The following NOP58 variants were observed in gnomAD, a reference collection of about 807,000 sequenced individuals.
NOP58 encodes NOP58 ribonucleoprotein, also known as nucleolar protein 58.
NOP58 carries 44 observed loss-of-function variants against 71.2 expected under a neutral mutation model. The observed-to-expected ratio is 0.62, with a 90% CI of 0.49 to 0.79. NOP58 has a LOEUF of 0.79. Ranked by LOEUF, NOP58 falls within the 30% of genes least tolerant of loss-of-function variation. The pLI is 0.00. For synonymous variants in NOP58, 228 were observed against 200.3 expected, an observed-to-expected ratio of 1.14 and a Z score of -1.17; for missense variants, 538 against 620.2, an observed-to-expected ratio of 0.87 and a Z score of 1.41.
intron 13 of NOP58, among the ~76,000 whole-genome samples, chr2:202,302,575 A>G (rs543852746): frequency 1.3e-5 from 2 of 152,244 alleles, no homozygotes; most frequent in Non-Finnish European, 2.9e-5. Flanking sequence ...GGGTTGCAGC[A>G]GGTAGATTAA....
intron 1 of NOP58, among the ~76,000 whole-genome samples, chr2:202,270,952 G>C (rs995704629): frequency 1.3e-4 from 20 of 151,826 alleles, no homozygotes; most frequent in African/African-American, 4.6e-4. Flanking sequence ...GCCGGGCATG[G>C]TGGTGTGTGT....
At chr2:202,281,382 C>T (rs966050405) in intron 3 of NOP58, among the ~76,000 whole-genome samples, 5 of 152,086 alleles carry the variant, frequency 3.3e-5, no homozygotes, top group Admixed American at 1.3e-4. Context: ...GCCTCAGCCT[C>T]CCAAAGTGCT....
chr2:202,291,806 C>CAAAAAAAAAAAAAAAAAAAAAAAAAAA (rs1161178890), intron 8 of NOP58, among the ~76,000 whole-genome samples: 1 of 41,900 alleles, frequency 2.4e-5, no homozygotes. Context: ...AACTCCATCT[C>CAAAAAAAAAAAAAAAAAAAAAAAAAAA]AAAAAAAAAA....
chr2:202,290,831 G>A (rs1574385329), intron 7 of NOP58, among the ~76,000 whole-genome samples: 1 of 152,184 alleles, frequency 6.6e-6, no homozygotes, highest in South Asian at 2.1e-4. Context: ...ATTATTATTA[G>A]TCCTGTCTTT....
chr2:202,273,609 A>G (rs1688543311), intron 1 of NOP58, among the ~76,000 whole-genome samples: 1 of 152,214 alleles, frequency 6.6e-6, no homozygotes, highest in African/African-American at 2.4e-5. Flanking sequence ...AAACTGAAAT[A>G]TTAACAGGTA....
intron 2 of NOP58, chr2:202,276,482 A>G (rs762091959): frequency 1.9e-6 from 1 of 516,112 alleles, no homozygotes; most frequent in East Asian, 5.5e-5. Context: ...AAGTGATCTG[A>G]CTCAATATTC....
chr2:202,290,049 T>C (rs186545047), intron 6 of NOP58, among the ~76,000 whole-genome samples: 37 of 152,248 alleles, frequency 2.4e-4, no homozygotes, highest in African/African-American at 8.9e-4. Flanking sequence ...CCACCTCCTG[T>C]GTTCAAGTGA....
rs1688667750 is a variant in NOP58 at position 202,279,588 on chromosome 2, A to G, written c.175+1586A>G. Among the ~76,000 whole-genome samples the G allele has an allele frequency of 2.0e-5, 3 of 152,340 alleles. No homozygotes were observed. The South Asian group carries it at 6.2e-4, about 32-fold the overall frequency. On this transcript the variant is annotated intron_variant, in intron 3 of 14. Coordinates refer to ENST00000264279, the MANE Select transcript of NOP58 (RefSeq NM_015934.5). ...CAAGACAGGCGGATCACCTGAGGTC[A>G]GTTCAAGATCAGCCTGGCCAACATG...
intron 1 of NOP58, among the ~76,000 whole-genome samples, chr2:202,267,270 G>C (rs966424496): frequency 6.6e-6 from 1 of 152,120 alleles, no homozygotes; most frequent in Non-Finnish European, 1.5e-5. Context: ...TACAATTTTA[G>C]CTATGAACCA....
intron 1 of NOP58, among the ~76,000 whole-genome samples, chr2:202,273,729 T>C (rs888014624): frequency 7.9e-5 from 12 of 152,152 alleles, no homozygotes; most frequent in Non-Finnish European, 1.6e-4. Flanking sequence ...GATCACCTGA[T>C]GTCAGGAGTT....
At position 202,303,652 on chromosome 2, in the gene NOP58, T is replaced by C; in HGVS notation, c.*216T>C. The C allele has an allele frequency of 2.3e-6, 1 of 437,202 alleles. No individual in the cohort carries two copies. The highest frequency in any genetic ancestry group is 9.0e-5 in the South Asian group (1 of 11,058). The allele number at this position is 437,202 out of a possible 1,614,324, so 27.1% of individuals were successfully genotyped here. On this transcript the variant is annotated 3_prime_UTR_variant, in exon 15 of 15. Transcript: ENST00000264279. ...TTTGATATACAAATAAAATTTTCTT[T>C]GTATTTTAAGACAATTTTGTGATCT...
chr2:202,269,708 T>C (rs1688484484), intron 1 of NOP58, among the ~76,000 whole-genome samples: 1 of 151,946 alleles, frequency 6.6e-6, no homozygotes, highest in African/African-American at 2.4e-5. Flanking sequence ...GCCACTGCAG[T>C]GCAGCCTGGG....
intron 9 of NOP58, among the ~76,000 whole-genome samples, chr2:202,294,517 T>TC (rs1166833417): frequency 3.3e-5 from 5 of 151,710 alleles, no homozygotes; most frequent in African/African-American, 4.8e-5. Flanking sequence ...TATTCTAAGC[T>TC]CCCCCCTCCA....
chr2:202,302,660 T>G (rs1439964224), intron 13 of NOP58, among the ~76,000 whole-genome samples: 4 of 152,202 alleles, frequency 2.6e-5, no homozygotes, highest in Non-Finnish European at 4.4e-5. Flanking sequence ...CAATAATGAT[T>G]GGAGATCAGA....
At chr2:202,303,099 A>T (rs1269270384) in intron 14 of NOP58, 42 bp downstream of exon 14, 2 of 1,576,700 alleles carry the variant, frequency 1.3e-6, no homozygotes, top group Admixed American at 3.8e-5. Flanking sequence ...TGGAGGGGCC[A>T]GTTCTCTATA....
chr2:202,284,569 T>G, intron 5 of NOP58, 88 bp downstream of exon 5: 1 of 1,363,560 alleles, frequency 7.3e-7, no homozygotes, highest in South Asian at 1.3e-5. Flanking sequence ...CAAATGCTCA[T>G]TTGAACCACA....
chr2:202,282,527 A>G (rs1357829255), intron 4 of NOP58, 55 bp downstream of exon 4: 2 of 1,548,158 alleles, frequency 1.3e-6, no homozygotes, highest in African/African-American at 2.8e-5. Flanking sequence ...CAGCATACCA[A>G]CTACAAAGCC....
chr2:202,292,297 A>G (rs941489533), intron 8 of NOP58, among the ~76,000 whole-genome samples: 1 of 151,898 alleles, frequency 6.6e-6, no homozygotes, highest in African/African-American at 2.4e-5. Context: ...TGGGCTGCTT[A>G]GAATCTTTTA....
chr2:202,291,807 A>AG (rs1688904369), intron 8 of NOP58, among the ~76,000 whole-genome samples: 1 of 28,446 alleles, frequency 3.5e-5, no homozygotes, highest in African/African-American at 2.0e-4. Flanking sequence ...ACTCCATCTC[A>AG]AAAAAAAAAA....
Sources: gnomAD v4.1 joint callset for allele counts (sites outside exome capture counted in the v4.1 genomes callset) on GRCh38, gnomAD v4.1.1 for gene constraint, MANE v1.5 for transcripts, NCBI Gene and HGNC (gene_info 2026-07-23, HGNC 2026-07-21) for gene names.